Variants in DIP2C observed in about 807,000 individuals in gnomAD.
DIP2C encodes the protein disco-interacting protein 2 homolog C.
DIP2C carries 33 observed loss-of-function variants against 192.4 expected under a neutral mutation model. The ratio of observed to expected loss-of-function variants is 0.17; its 90% CI spans 0.13 to 0.23. DIP2C has a LOEUF of 0.23. Among genes scored for constraint, DIP2C ranks in the 10% least tolerant of loss-of-function variants. DIP2C has a pLI of 1.00. For missense variants in DIP2C, 1,537 were observed against 2,110.1 expected (o/e 0.73, Z 5.32); for synonymous variants, 979 against 864.1 (o/e 1.13, Z -2.33).
At chr10:291,241 A>C (rs1416617064) in intron 32 of DIP2C, among the ~76,000 whole-genome samples, 1 of 152,254 alleles carries the variant, frequency 6.6e-6, no homozygotes, top group African/African-American at 2.4e-5. Flanking sequence ...AAGCGAAGCA[A>C]GACGGAATCT....
rs751648255 is a variant in DIP2C, at chr10:526,517, A to C, written c.86-39987T>G. Among the ~76,000 whole-genome samples, 419 of 115,368 alleles carry C rather than the reference A, an allele frequency of 3.6e-3. 2 individuals carry two copies. The highest frequency in any genetic ancestry group is 6.3e-3 in the Non-Finnish European group (336 of 53,742). 75.7% of individuals were successfully genotyped at this position (115,368 alleles called of 152,430 possible). On this transcript the variant is annotated intron_variant, in intron 1 of 36. Transcript: ENST00000280886. ...ATCCGCTGTTTTTCTGTCACACACC[A>C]GCCCTACCCCACCAAAAAAAAAAAA...
At position 484,678 on chromosome 10, in the gene DIP2C, C is replaced by CA. The variant is rs1050732692; in HGVS notation, c.157+1780dup. The CA allele has an allele frequency of 8.3e-6, 12 of 1,441,394 alleles. No homozygotes were observed. In the Admixed American group the frequency reaches 1.0e-4, roughly 12 times the overall value. 89.3% of individuals were successfully genotyped at this position (1,441,394 alleles called of 1,614,324 possible). A position where few individuals can be genotyped will look rare whatever the true frequency, so the allele number is the denominator to read the frequency against. ...CTGGAGAATGGGACCCTCAGGCCCC[C>CA]AAGGCCACACCCTACACGTCTGTAC... On this transcript the variant is annotated intron_variant, in intron 2 of 36. Coordinates refer to ENST00000280886, the MANE Select transcript of DIP2C (RefSeq NM_014974.3).
rs771116499 is a variant in DIP2C, at chr10:310,041, T to G, written c.3976A>C (p.Arg1326=). The change falls in exon 32 of 37, where the codon AGA becomes CGA. Residue 1326 remains arginine, a synonymous_variant. Coordinates refer to ENST00000280886, the MANE Select transcript of DIP2C (RefSeq NM_014974.3). ...TTVYVDMRAL[R]HDRVRLVERG... ...AGAAGTGTACAGTACCTGTCGTGTCTCAGGGCTCTCATGTCCACGTAGACA... is the reference window on the plus strand; with the variant it reads ...AGAAGTGTACAGTACCTGTCGTGTCGCAGGGCTCTCATGTCCACGTAGACA... 6.2e-7 allele frequency: 1 copy of G among 1,614,166 alleles called. No homozygotes were observed. Among genetic ancestry groups the G allele is most frequent in the Non-Finnish European group, 8.5e-7 (1 of 1,180,034 alleles).
intron 32 of DIP2C, among the ~76,000 whole-genome samples, chr10:289,430 G>A (rs1229532404): frequency 2.6e-5 from 4 of 152,126 alleles, no homozygotes; most frequent in East Asian, 1.9e-4. Flanking sequence ...TACCACATCT[G>A]GATAACTTTT....
intron 9 of DIP2C, among the ~76,000 whole-genome samples, chr10:399,800 A>AG (rs933226905): frequency 1.3e-5 from 2 of 152,218 alleles, no homozygotes; most frequent in African/African-American, 4.8e-5. Context: ...GCTGACTATG[A>AG]GTAAAGCCCA....
intron 1 of DIP2C, among the ~76,000 whole-genome samples, chr10:646,419 T>A (rs994909470): frequency 9.2e-5 from 14 of 151,968 alleles, no homozygotes; most frequent in African/African-American, 3.4e-4. Flanking sequence ...GACTCCCCCA[T>A]AGCCTGGAAA....
At chr10:327,344 T>G (rs1484767270) in intron 30 of DIP2C, among the ~76,000 whole-genome samples, 168 bp from the exon 31 acceptor site, 1 of 152,070 alleles carries the variant, frequency 6.6e-6, no homozygotes, top group Non-Finnish European at 1.5e-5. Context: ...CAGGAGTTGG[T>G]GAAAAAACAT....
intron 1 of DIP2C, among the ~76,000 whole-genome samples, chr10:638,988 C>T (rs1285755205): frequency 1.3e-5 from 2 of 152,218 alleles, no homozygotes; most frequent in South Asian, 4.1e-4. Context: ...CTCAGAAGGA[C>T]GAGACACGGA....
At chr10:447,996 G>A (rs1382122248) in intron 3 of DIP2C, among the ~76,000 whole-genome samples, 2 of 125,310 alleles carry the variant, frequency 1.6e-5, no homozygotes, top group African/African-American at 3.7e-5. Flanking sequence ...CACACACAGT[G>A]GGGCAGCAGG....
intron 1 of DIP2C, among the ~76,000 whole-genome samples, chr10:617,795 C>G (rs551044455): frequency 6.6e-6 from 1 of 152,248 alleles, no homozygotes; most frequent in African/African-American, 2.4e-5. Flanking sequence ...AACCCAGCTC[C>G]ACCATCCAGG....
At chr10:627,040 T>C (rs1854247085) in intron 1 of DIP2C, among the ~76,000 whole-genome samples, 1 of 152,214 alleles carries the variant, frequency 6.6e-6, no homozygotes, top group African/African-American at 2.4e-5. Flanking sequence ...CCACAAAAGG[T>C]GCCTCTGACT....
chr10:384,037 G>T lies in DIP2C; in HGVS notation c.1866C>A (p.Gly622=). Residue 622 remains glycine (G), a synonymous_variant, in exon 16 of 37, where the codon GGC becomes GGA. Transcript: ENST00000280886. ...ACGCTCCTCACTTACAGGGGTTCGC[G>T]CCGTCCGCCACTATCAGCATTCGCA... ...SSLRMLIVAD[G]ANPWSISSCD... is the part of the protein sequence containing the mutation. 5 of 1,598,312 alleles carry T rather than the reference G, an allele frequency of 3.1e-6. No homozygotes were observed. The highest frequency in any genetic ancestry group is 4.3e-6 in the Non-Finnish European group (5 of 1,175,364).
chr10:576,649 C>G (rs988135653), intron 1 of DIP2C, among the ~76,000 whole-genome samples: 2 of 152,208 alleles, frequency 1.3e-5, no homozygotes. Context: ...TGGCTCAGAC[C>G]TATAATCCCA....
intron 1 of DIP2C, among the ~76,000 whole-genome samples, chr10:487,977 A>G (rs1844146821): frequency 6.6e-6 from 1 of 152,142 alleles, no homozygotes; most frequent in African/African-American, 2.4e-5. Flanking sequence ...GCTGCCCACT[A>G]CGGAGACGCT....
At chr10:284,815 TATACATCAAAGC>T (rs1955013416) in intron 34 of DIP2C, among the ~76,000 whole-genome samples, 1 of 152,226 alleles carries the variant, frequency 6.6e-6, no homozygotes, top group Non-Finnish European at 1.5e-5. Context: ...ATAATATGTA[TATACATCAAAGC>T]ATCACAGTGC....
chr10:508,734 G>T (rs186862029), intron 1 of DIP2C, among the ~76,000 whole-genome samples: 2 of 150,862 alleles, frequency 1.3e-5, no homozygotes, highest in Admixed American at 6.6e-5. Context: ...CACCCTAACC[G>T]CAGCGTCCAG....
At chr10:329,395 G>T (rs1250009537) in intron 30 of DIP2C, 38 bp downstream of exon 30, 15 of 1,578,202 alleles carry the variant, frequency 9.5e-6, no homozygotes, top group Non-Finnish European at 1.3e-5. Context: ...AGTCCCTGTG[G>T]GCTCACAGGG....
intron 1 of DIP2C, among the ~76,000 whole-genome samples, chr10:585,199 G>A (rs963307390): frequency 2.0e-5 from 3 of 152,216 alleles, no homozygotes; most frequent in African/African-American, 7.2e-5. Context: ...CGACGTTTGT[G>A]TAGACACTTT....
At chr10:493,980 T>TCA (rs1313632619) in intron 1 of DIP2C, among the ~76,000 whole-genome samples, 2 of 152,048 alleles carry the variant, frequency 1.3e-5, no homozygotes, top group Non-Finnish European at 2.9e-5. Context: ...AGGGAGAATA[T>TCA]CACAGCCCTG....
Sources: gnomAD v4.1 joint callset for allele counts (sites outside exome capture counted in the v4.1 genomes callset) on GRCh38, gnomAD v4.1.1 for gene constraint, MANE v1.5 for transcripts, NCBI Gene and HGNC (gene_info 2026-07-23, HGNC 2026-07-21) for gene names.